The following KAZN variants were observed in gnomAD, a reference collection of about 807,000 sequenced individuals.
KAZN encodes kazrin.
A neutral mutation model predicts 87.4 loss-of-function variants in KAZN; 40 were observed. That is an observed-to-expected ratio of 0.46 (90% confidence interval 0.36 to 0.60). KAZN has a LOEUF of 0.60. Among genes scored for constraint, KAZN ranks in the 20% least tolerant of loss-of-function variants. The probability of loss-of-function intolerance (pLI) is 0.00; values close to 1 mark genes in which losing one functional copy is unlikely to be tolerated. For synonymous variants in KAZN, 466 were observed against 458.3 expected, an observed-to-expected ratio of 1.02 and a Z score of -0.22; for missense variants, 898 against 1,073.9, an observed-to-expected ratio of 0.84 and a Z score of 2.29.
At chr1:13,899,590 C>T (rs1350554149) in intron 1 of KAZN, among the ~76,000 whole-genome samples, 1 of 150,412 alleles carries the variant, frequency 6.6e-6, no homozygotes, top group Non-Finnish European at 1.5e-5. Flanking sequence ...TCATTGATGT[C>T]TTCTGTGTTA....
intron 1 of KAZN, among the ~76,000 whole-genome samples, chr1:14,831,470 A>G (rs2100878541): frequency 6.6e-6 from 1 of 152,272 alleles, no homozygotes; most frequent in Non-Finnish European, 1.5e-5. Context: ...TGATAAAGAA[A>G]AATGTCGAAG....
intron 1 of KAZN, among the ~76,000 whole-genome samples, chr1:14,750,599 TAA>T (rs60001331): frequency 1.4e-5 from 2 of 144,322 alleles, no homozygotes; most frequent in Non-Finnish European, 1.5e-5. Context: ...GTTTCTTTTC[TAA>T]AAAAAAAAAA....
intron 1 of KAZN, among the ~76,000 whole-genome samples, chr1:14,016,863 A>C (rs1327936572): frequency 6.6e-6 from 1 of 152,230 alleles, no homozygotes; most frequent in Non-Finnish European, 1.5e-5. Context: ...TGTATTAAAA[A>C]ATAAATGTGG....
intron 1 of KAZN, among the ~76,000 whole-genome samples, chr1:14,815,240 A>G (rs1267695952): frequency 6.6e-6 from 1 of 152,068 alleles, no homozygotes; most frequent in Non-Finnish European, 1.5e-5. Context: ...TGGAGCTCCT[A>G]TCCTTCTCTG....
chr1:14,973,823 G>A (rs1434219169), intron 2 of KAZN, among the ~76,000 whole-genome samples: 1 of 152,186 alleles, frequency 6.6e-6, no homozygotes, highest in East Asian at 1.9e-4. Flanking sequence ...CATTTCTTGT[G>A]GAGATTACAT....
At chr1:14,381,978 A>T (rs928013961) in intron 2 of KAZN, among the ~76,000 whole-genome samples, 1 of 152,228 alleles carries the variant, frequency 6.6e-6, no homozygotes, top group Non-Finnish European at 1.5e-5. Flanking sequence ...TATTTAGTAA[A>T]GTTGCAGGAT....
chr1:14,540,269 G>T (rs1281983951), intron 2 of KAZN, among the ~76,000 whole-genome samples: 3 of 152,168 alleles, frequency 2.0e-5, no homozygotes, highest in Admixed American at 2.0e-4. Context: ...TGCCAGAGTG[G>T]TCACTTAAAT....
chr1:15,001,551 T>C (rs536369034), intron 2 of KAZN, among the ~76,000 whole-genome samples: 1 of 151,682 alleles, frequency 6.6e-6, no homozygotes, highest in East Asian at 1.9e-4. Flanking sequence ...CAGCAGCCCC[T>C]ACTCCCTGGA....
intron 2 of KAZN, among the ~76,000 whole-genome samples, chr1:14,331,512 T>G (rs1307890852): frequency 6.6e-6 from 1 of 152,256 alleles, no homozygotes; most frequent in Non-Finnish European, 1.5e-5. Context: ...ACTGCTGCTA[T>G]TTGTAAATGT....
rs182241390 is a variant in KAZN at position 13,983,686 on chromosome 1, G to C, written c.91+89930G>C. On this transcript the variant is annotated intron_variant, in intron 1 of 16. Coordinates refer to the KAZN transcript ENST00000636203. ...CCTACGCAGAGGAGGTGCCGAGAGC[G>C]AGCGAGGGCTGTGAGGACCGCCAGC... 6.5e-3 allele frequency among the ~76,000 whole-genome samples: 996 copies of C among 152,364 alleles called. 13 individuals are homozygous for C. Among genetic ancestry groups the C allele is most frequent in the Non-Finnish European group, 9.7e-3 (663 of 68,028 alleles).
At chr1:13,998,772 C>A (rs573820995) in intron 1 of KAZN, among the ~76,000 whole-genome samples, 10 of 152,234 alleles carry the variant, frequency 6.6e-5, no homozygotes, top group African/African-American at 2.2e-4. Flanking sequence ...TACTGGGAAA[C>A]TTTAACACCC....
chr1:14,749,522 T>A (rs1644354607), intron 1 of KAZN, among the ~76,000 whole-genome samples: 1 of 152,142 alleles, frequency 6.6e-6, no homozygotes, highest in African/African-American at 2.4e-5. Flanking sequence ...AAGGAATTAG[T>A]TGCATGGGGA....
chr1:14,956,753 G>C (rs921459955), intron 1 of KAZN, among the ~76,000 whole-genome samples: 2 of 152,202 alleles, frequency 1.3e-5, no homozygotes, highest in African/African-American at 4.8e-5. Flanking sequence ...CAGGATGGTA[G>C]ATTGAAGAGT....
At chr1:13,993,982 A>T (rs183286982) in intron 1 of KAZN, among the ~76,000 whole-genome samples, 1 of 152,374 alleles carries the variant, frequency 6.6e-6, no homozygotes, top group African/African-American at 2.4e-5. Context: ...TGGTGCAAAC[A>T]TTTAACTTCA....
chr1:14,218,725 A>G (rs749911522), intron 2 of KAZN, among the ~76,000 whole-genome samples: 3 of 152,142 alleles, frequency 2.0e-5, no homozygotes, highest in African/African-American at 4.8e-5. Flanking sequence ...TAAACTGGTA[A>G]ATAATGAGGG....
At chr1:14,322,732 C>T (rs1656132201) in intron 2 of KAZN, among the ~76,000 whole-genome samples, 1 of 152,186 alleles carries the variant, frequency 6.6e-6, no homozygotes, top group Non-Finnish European at 1.5e-5. Flanking sequence ...GCCTTTTTAA[C>T]TTCTTACTCA....
At chr1:14,162,925 G>C (rs1198205547) in intron 1 of KAZN, among the ~76,000 whole-genome samples, 1 of 151,492 alleles carries the variant, frequency 6.6e-6, no homozygotes, top group African/African-American at 2.4e-5. Flanking sequence ...TTTTAGTCCT[G>C]TTTGCCATCT....
chr1:14,262,214 G>T (rs978190869), intron 2 of KAZN, among the ~76,000 whole-genome samples: 4 of 152,092 alleles, frequency 2.6e-5, no homozygotes, highest in African/African-American at 9.7e-5. Context: ...AGGAGTTTGA[G>T]ACGAGCCCTA....
intron 2 of KAZN, among the ~76,000 whole-genome samples, chr1:14,257,975 G>GAAAAAAAAA (rs201805345): frequency 1.1e-5 from 1 of 87,976 alleles, no homozygotes; most frequent in Non-Finnish European, 2.3e-5. Flanking sequence ...AAAAAAAAGA[G>GAAAAAAAAA]AAAAAAAAAA....
Sources: gnomAD v4.1 joint callset for allele counts (sites outside exome capture counted in the v4.1 genomes callset) on GRCh38, gnomAD v4.1.1 for gene constraint, MANE v1.5 for transcripts, NCBI Gene and HGNC (gene_info 2026-07-23, HGNC 2026-07-21) for gene names.